The following LRP1B variants were observed in gnomAD, a reference collection of about 807,000 sequenced individuals.
The protein encoded by LRP1B is low-density lipoprotein receptor-related protein 1B.
In LRP1B, 217 loss-of-function variants were observed where a neutral mutation model predicts 556.6. The observed-to-expected ratio is 0.39, with a 90% CI of 0.35 to 0.44. The LOEUF is 0.44. LRP1B is among the 20% of genes least tolerant of loss of function. The pLI is 1.00. For missense variants in LRP1B, 5,053 were observed against 5,620.8 expected (o/e 0.90, Z 3.23); for synonymous variants, 2,047 against 1,865.8 (o/e 1.10, Z -2.50).
intron 35 of LRP1B, among the ~76,000 whole-genome samples, chr2:140,734,132 G>A (rs543815778): frequency 1.3e-4 from 20 of 152,302 alleles, no homozygotes; most frequent in African/African-American, 4.6e-4. Context: ...TTGCTACTGC[G>A]AAGGAATCTT....
At chr2:141,335,512 A>G (rs1279458759) in intron 3 of LRP1B, among the ~76,000 whole-genome samples, 2 of 152,218 alleles carry the variant, frequency 1.3e-5, no homozygotes, top group Non-Finnish European at 1.5e-5. Context: ...TTATCATTCA[A>G]GAACTGGAGA....
intron 8 of LRP1B, among the ~76,000 whole-genome samples, chr2:141,061,180 C>T (rs1699324583): frequency 6.6e-6 from 1 of 151,572 alleles, no homozygotes; most frequent in African/African-American, 2.4e-5. Flanking sequence ...ACAGGTTCCC[C>T]CACTCCAACC....
At chr2:140,568,881 C>T (rs1166126343) in intron 43 of LRP1B, among the ~76,000 whole-genome samples, 2 of 151,822 alleles carry the variant, frequency 1.3e-5, no homozygotes, top group Non-Finnish European at 1.5e-5. Flanking sequence ...AAAAATTATG[C>T]CAAGAAAAGC....
chr2:141,517,431 G>A (rs1012071124), intron 2 of LRP1B, among the ~76,000 whole-genome samples: 2 of 152,038 alleles, frequency 1.3e-5, no homozygotes, highest in African/African-American at 4.8e-5. Flanking sequence ...AAGTGTTGAT[G>A]GTGTATTCTC....
intron 1 of LRP1B, among the ~76,000 whole-genome samples, chr2:141,907,204 A>C (rs993838737): frequency 6.6e-6 from 1 of 151,980 alleles, no homozygotes; most frequent in African/African-American, 2.4e-5. Flanking sequence ...GAAGTATTTA[A>C]ATAAATTTCC....
chr2:142,061,722 C>A (rs547727156), intron 1 of LRP1B, among the ~76,000 whole-genome samples: 3 of 152,030 alleles, frequency 2.0e-5, no homozygotes, highest in Non-Finnish European at 2.9e-5. Flanking sequence ...GATAATATAT[C>A]TTCTTTAGTG....
intron 49 of LRP1B, among the ~76,000 whole-genome samples, chr2:140,520,157 G>C (rs1690096949): frequency 6.6e-6 from 1 of 152,108 alleles, no homozygotes; most frequent in African/African-American, 2.4e-5. Context: ...ACATGCACAT[G>C]TATGTTTATT....
intron 84 of LRP1B, among the ~76,000 whole-genome samples, chr2:140,279,091 C>CTCTCTCTT (rs1212054161): frequency 6.6e-6 from 1 of 151,980 alleles, no homozygotes; most frequent in East Asian, 1.9e-4. Context: ...CCTCTCCACT[C>CTCTCTCTT]TCTCTCTTTC....
intron 1 of LRP1B, among the ~76,000 whole-genome samples, chr2:142,116,500 G>T (rs950802581): frequency 6.6e-6 from 1 of 152,086 alleles, no homozygotes. Flanking sequence ...ACAATTTAAT[G>T]CAGTGAACAT....
At chr2:141,492,468 G>A (rs1683370097) in intron 2 of LRP1B, among the ~76,000 whole-genome samples, 2 of 152,246 alleles carry the variant, frequency 1.3e-5, no homozygotes, top group South Asian at 2.1e-4. Flanking sequence ...CAGACAATGT[G>A]TAGAAAGATC....
At chr2:141,921,789 A>G (rs1700192518) in intron 1 of LRP1B, among the ~76,000 whole-genome samples, 1 of 152,094 alleles carries the variant, frequency 6.6e-6, no homozygotes, top group South Asian at 2.1e-4. Context: ...CAAATATTCC[A>G]TTCAAAAATC....
intron 89 of LRP1B, among the ~76,000 whole-genome samples, chr2:140,237,411 A>G (rs938115731): frequency 6.6e-6 from 1 of 150,908 alleles, no homozygotes; most frequent in Admixed American, 6.6e-5. Flanking sequence ...TTGATTCTAT[A>G]TCTTGGCTAT....
At chr2:140,953,609 G>A (rs1329845215) in intron 18 of LRP1B, among the ~76,000 whole-genome samples, 1 of 152,066 alleles carries the variant, frequency 6.6e-6, no homozygotes, top group East Asian at 1.9e-4. Flanking sequence ...CTTGACTTTG[G>A]CTATTCAAAC....
chr2:141,486,406 T>C (rs1683124171), intron 2 of LRP1B, among the ~76,000 whole-genome samples: 1 of 152,164 alleles, frequency 6.6e-6, no homozygotes, highest in African/African-American at 2.4e-5. Flanking sequence ...TTTTACTGTG[T>C]ACATTAATAG....
chr2:140,778,557 T>C (rs918445088), intron 32 of LRP1B, among the ~76,000 whole-genome samples: 6 of 152,078 alleles, frequency 3.9e-5, no homozygotes, highest in Non-Finnish European at 7.4e-5. Flanking sequence ...AAAGAAGCAA[T>C]GTTTTTCAAA....
intron 1 of LRP1B, among the ~76,000 whole-genome samples, chr2:142,059,973 A>C (rs1704843144): frequency 1.3e-5 from 2 of 152,094 alleles, no homozygotes; most frequent in African/African-American, 2.4e-5. Context: ...TAACCTTTTT[A>C]TATCATGTGT....
intron 49 of LRP1B, among the ~76,000 whole-genome samples, chr2:140,519,610 T>C (rs1469941988): frequency 6.6e-6 from 1 of 151,830 alleles, no homozygotes; most frequent in African/African-American, 2.4e-5. Flanking sequence ...AATAGACAAA[T>C]GGGATCTAAT....
intron 5 of LRP1B, among the ~76,000 whole-genome samples, chr2:141,243,262 T>A (rs1441189861): frequency 6.6e-6 from 1 of 151,854 alleles, no homozygotes; most frequent in Non-Finnish European, 1.5e-5. Flanking sequence ...GCAGGAGGAT[T>A]GTTTGAGGCC....
chr2:141,563,409 ACTC>A (rs1295032864), intron 2 of LRP1B, among the ~76,000 whole-genome samples: 1 of 152,010 alleles, frequency 6.6e-6, no homozygotes, highest in Non-Finnish European at 1.5e-5. Flanking sequence ...CTCCAAGTAC[ACTC>A]CTCTTTAAGA....
Sources: gnomAD v4.1 joint callset for allele counts (sites outside exome capture counted in the v4.1 genomes callset) on GRCh38, gnomAD v4.1.1 for gene constraint, MANE v1.5 for transcripts, NCBI Gene and HGNC (gene_info 2026-07-23, HGNC 2026-07-21) for gene names.